Variants in ZFAT observed in about 807,000 individuals in gnomAD.
ZFAT encodes zinc finger and AT-hook domain containing.
A neutral mutation model predicts 117.7 loss-of-function variants in ZFAT; 64 were observed. The observed-to-expected ratio is 0.54, with a 90% CI of 0.44 to 0.67. The LOEUF is 0.67. ZFAT is among the 30% of genes least tolerant of loss of function. The pLI, the probability that ZFAT is intolerant of heterozygous loss-of-function variation, is 0.00. For synonymous variants in ZFAT, 679 were observed against 615.0 expected (o/e 1.10, Z -1.54); for missense variants, 1,433 against 1,584.5 (o/e 0.90, Z 1.62).
chr8:134,636,821 G>A (rs1374561044), intron 3 of ZFAT, among the ~76,000 whole-genome samples: 4 of 152,136 alleles, frequency 2.6e-5, no homozygotes, highest in Admixed American at 6.5e-5. Context: ...ACATCTATCC[G>A]CCTTTCAGCC....
the ZFAT span, among the ~76,000 whole-genome samples, chr8:134,722,162 CT>C: frequency 1.3e-5 from 2 of 152,104 alleles, no homozygotes; most frequent in African/African-American, 4.8e-5. Context: ...AGAAAAAAAG[CT>C]CTGGAGCAAT....
intron 1 of ZFAT, among the ~76,000 whole-genome samples, chr8:134,667,285 G>A (rs1391466522): frequency 6.6e-6 from 1 of 152,102 alleles, no homozygotes; most frequent in Non-Finnish European, 1.5e-5. Flanking sequence ...GAGGTCAGGA[G>A]ATCCAGACCA....
the ZFAT span, among the ~76,000 whole-genome samples, chr8:134,832,025 C>T: frequency 2.3e-4 from 34 of 150,396 alleles, no homozygotes; most frequent in African/African-American, 8.0e-4. Flanking sequence ...GCCGGCCCGC[C>T]GCGGCCCCCA....
the ZFAT span, among the ~76,000 whole-genome samples, chr8:134,827,690 C>T: frequency 5.1e-4 from 77 of 151,522 alleles, no homozygotes; most frequent in Non-Finnish European, 5.4e-4. Flanking sequence ...ATTGCTTGAA[C>T]CCGGGAGGCG....
In ZFAT at chr8:134,532,836, T is replaced by C; in HGVS notation, c.3113A>G (p.Gln1038Arg). Residue 1038 changes from glutamine (Q) to arginine (R), a missense_variant and splice_region_variant, in exon 12 of 16, where the codon CAA (glutamine) becomes CGA (arginine). This residue lies in a region of ZFAT where 503 missense variants were observed against 543.4 expected (regional missense o/e 0.93). Coordinates refer to ENST00000377838, the MANE Select transcript of ZFAT (RefSeq NM_020863.4). ...GELAAEVLIQ[Q>R]GGLKCPVCSF... The stretch of plus-strand genomic sequence containing the variant: ...CAGCTCGCTGGCCCCTCGCCTACCT[T>C]GCTGGATGAGCACCTCCGCTGCCAG... 1 of 1,610,356 alleles carries C rather than the reference T, an allele frequency of 6.2e-7. No individual in the cohort carries two copies. Among genetic ancestry groups the C allele is most frequent in the Non-Finnish European group, 8.5e-7 (1 of 1,178,560 alleles).
chr8:134,702,020 TAAG>T (rs1834020875), intron 1 of ZFAT, among the ~76,000 whole-genome samples: 1 of 152,174 alleles, frequency 6.6e-6, no homozygotes, highest in South Asian at 2.1e-4. Context: ...GGTGGCTTTA[TAAG>T]AAGAGGAAAA....
chr8:134,622,127 A>G (rs1173926551), intron 3 of ZFAT, among the ~76,000 whole-genome samples: 1 of 152,136 alleles, frequency 6.6e-6, no homozygotes, highest in Admixed American at 6.5e-5. Context: ...ATATACATGA[A>G]AGTCCTACTC....
At chr8:134,732,266 G>A in the ZFAT span, among the ~76,000 whole-genome samples, 60 of 152,332 alleles carry the variant, frequency 3.9e-4, no homozygotes, top group African/African-American at 1.1e-3. Flanking sequence ...ACATAGGCCC[G>A]CTCTGCAGGT....
At chr8:134,604,741 C>A (rs994613166) in intron 5 of ZFAT, among the ~76,000 whole-genome samples, 35 of 152,150 alleles carry the variant, frequency 2.3e-4, no homozygotes, top group Non-Finnish European at 3.2e-4. Flanking sequence ...GGATTGCAGT[C>A]CATAAATACC....
chr8:134,635,625 GAGAGAGAGAGTC>G (rs1830159443), intron 3 of ZFAT, among the ~76,000 whole-genome samples: 1 of 140,644 alleles, frequency 7.1e-6, no homozygotes, highest in South Asian at 2.4e-4. Context: ...GACAGGGAGA[GAGAGAGAGAGTC>G]AGGGAGAGAG....
At chr8:134,508,808 G>T (rs1819602383) in intron 15 of ZFAT, among the ~76,000 whole-genome samples, 1 of 152,210 alleles carries the variant, frequency 6.6e-6, no homozygotes, top group Non-Finnish European at 1.5e-5. Context: ...ATCAATACAG[G>T]ACTGGCTAAA....
intron 15 of ZFAT, among the ~76,000 whole-genome samples, chr8:134,495,567 G>T (rs539641241): frequency 6.6e-6 from 1 of 152,314 alleles, no homozygotes; most frequent in South Asian, 2.1e-4. Context: ...ATGATTTTGA[G>T]CCACAATCAT....
intron 8 of ZFAT, among the ~76,000 whole-genome samples, chr8:134,589,484 T>TA (rs1450970143): frequency 6.6e-6 from 1 of 152,224 alleles, no homozygotes; most frequent in Non-Finnish European, 1.5e-5. Context: ...TTAGAAGAAG[T>TA]ACCTGTTACT....
chr8:134,592,061 G>A (rs1826547640), intron 7 of ZFAT, among the ~76,000 whole-genome samples: 2 of 152,166 alleles, frequency 1.3e-5, no homozygotes, highest in Non-Finnish European at 2.9e-5. Flanking sequence ...ACCACTGCAA[G>A]GAAATGTTTT....
chr8:134,760,000 G>T, the ZFAT span, among the ~76,000 whole-genome samples: 3 of 131,882 alleles, frequency 2.3e-5, no homozygotes, highest in African/African-American at 8.4e-5. Context: ...ACAAACAGAG[G>T]CCGGGTGCGG....
At chr8:134,814,893 C>T in the ZFAT span, among the ~76,000 whole-genome samples, 104 of 152,344 alleles carry the variant, frequency 6.8e-4, no homozygotes, top group African/African-American at 2.4e-3. Context: ...ACTATCTTCT[C>T]TCATTCCACA....
chr8:134,526,030 A>G (rs1338208789), intron 12 of ZFAT, among the ~76,000 whole-genome samples: 3 of 152,136 alleles, frequency 2.0e-5, no homozygotes, highest in Non-Finnish European at 4.4e-5. Flanking sequence ...CCAAGTTATG[A>G]AGACCTCCAC....
At position 134,569,431 on chromosome 8, in the gene ZFAT, T is replaced by C. The variant is rs570327064; in HGVS notation, c.2888-4010A>G. ...ACAATTTCCGAAATGGAAGGAGGAA[T>C]TTATACCAGCAATGGCATATCTGTG... is the stretch of plus-strand genomic sequence containing the variant. On this transcript the variant is annotated intron_variant, in intron 10 of 15. Transcript: ENST00000377838. Among the ~76,000 whole-genome samples the C allele has an allele frequency of 8.5e-5, 13 of 152,260 alleles. No individual in the cohort carries two copies. The South Asian group carries it at 2.7e-3, about 32-fold the overall frequency.
At chr8:134,506,960 C>A (rs1390221747) in intron 15 of ZFAT, among the ~76,000 whole-genome samples, 3 of 152,174 alleles carry the variant, frequency 2.0e-5, no homozygotes, top group Non-Finnish European at 2.9e-5. Context: ...TTGTAGGATA[C>A]AATTGAAGAA....
Sources: allele counts gnomAD v4.1 joint callset (sites outside exome capture counted in the v4.1 genomes callset), GRCh38; gene constraint gnomAD v4.1.1; regional missense constraint gnomAD v4.1.1; transcripts MANE v1.5; gene names NCBI Gene and HGNC (gene_info 2026-07-23, HGNC 2026-07-21).